SH3RF2: variants seen among roughly 807,000 people sequenced by gnomAD.
SH3RF2 encodes E3 ubiquitin-protein ligase SH3RF2.
Under a neutral mutation model 59.0 loss-of-function variants are expected in SH3RF2, and 43 were observed. The ratio of observed to expected loss-of-function variants is 0.73; its 90% CI spans 0.57 to 0.94. The LOEUF (loss-of-function observed/expected upper bound fraction) is 0.94. Ranked by LOEUF, SH3RF2 falls within the 40% of genes least tolerant of loss-of-function variation. The pLI, the probability that SH3RF2 is intolerant of heterozygous loss-of-function variation, is 0.00. For synonymous variants in SH3RF2, 391 were observed against 391.5 expected (o/e 1.00, Z 0.01); for missense variants, 930 against 940.1 (o/e 0.99, Z 0.14).
At chr5:146,077,956 G>A (rs575096696) in intron 9 of SH3RF2, among the ~76,000 whole-genome samples, 1 of 152,010 alleles carries the variant, frequency 6.6e-6, no homozygotes, top group Non-Finnish European at 1.5e-5. Context: ...TGGCAGTAAC[G>A]GATGATAACC....
chr5:146,024,293 A>C (rs2149999633), intron 5 of SH3RF2, among the ~76,000 whole-genome samples: 1 of 152,258 alleles, frequency 6.6e-6, no homozygotes, highest in East Asian at 1.9e-4. Flanking sequence ...TGTGAATGTT[A>C]TCCTATTGTG....
At chr5:145,995,827 C>T (rs1760125751) in intron 2 of SH3RF2, among the ~76,000 whole-genome samples, 1 of 152,062 alleles carries the variant, frequency 6.6e-6, no homozygotes, top group South Asian at 2.1e-4. Context: ...TTATTCTTAA[C>T]CTCTTCTGTT....
chr5:145,965,012 G>A (rs562839153), intron 2 of SH3RF2, among the ~76,000 whole-genome samples: 5 of 152,184 alleles, frequency 3.3e-5, no homozygotes, highest in African/African-American at 1.2e-4. Flanking sequence ...GCGCAACACG[G>A]TGAAACCCCG....
intron 2 of SH3RF2, among the ~76,000 whole-genome samples, chr5:145,985,310 C>T (rs184168026): frequency 6.6e-6 from 1 of 152,188 alleles, no homozygotes; most frequent in African/African-American, 2.4e-5. Flanking sequence ...CGCACACACA[C>T]AAACTTGTAA....
rs1191537936 is a variant in SH3RF2 at position 146,062,589 on chromosome 5, G to A, written c.2078G>A (p.Ser693Asn). 6.2e-7 allele frequency: 1 copy of A among 1,614,176 alleles called. No homozygotes were observed. The highest frequency in any genetic ancestry group is 1.3e-5 in the African/African-American group (1 of 75,046). ...ATGACCGTCCTATTTGCCCACCGAAGTGGCTGCCACTCCGGACAGCAGACA... is the reference window on the plus strand; with the variant it reads ...ATGACCGTCCTATTTGCCCACCGAAATGGCTGCCACTCCGGACAGCAGACA... ...PEMTVLFAHR[S>N]GCHSGQQTDL... Residue 693 changes from serine (S) to asparagine (N), a missense_variant, in exon 10 of 10, where the codon AGT (serine) becomes AAT (asparagine). Transcript: ENST00000359120.
intron 4 of SH3RF2, among the ~76,000 whole-genome samples, chr5:146,013,214 G>C (rs904866803): frequency 3.9e-5 from 6 of 152,176 alleles, no homozygotes; most frequent in African/African-American, 1.4e-4. Context: ...GTACAGGAGA[G>C]AATCATGTGT....
At chr5:146,076,624 C>T (rs371982930) in intron 9 of SH3RF2, among the ~76,000 whole-genome samples, 1 of 152,196 alleles carries the variant, frequency 6.6e-6, no homozygotes, top group East Asian at 1.9e-4. Flanking sequence ...CCACCTGGAG[C>T]CTCTGACAGC....
chr5:146,064,862 A>G (rs1366384325), downstream of SH3RF2, among the ~76,000 whole-genome samples: 1 of 29,808 alleles, frequency 3.4e-5, no homozygotes, highest in African/African-American at 1.0e-4. Context: ...GAAAGAAAGA[A>G]AGAGAAAGAA....
Position 146,062,675 on chromosome 5 carries a change from A to T in SH3RF2, c.2164A>T (p.Thr722Ser), listed in dbSNP as rs931033184. ...ATTLVSTASGTQTVFPSK is the reference protein window; with the variant it reads ...ATTLVSTASGSQTVFPSK ...AACCCTGGTGTCCACTGCCTCAGGCACGCAGACCGTGTTTCCCAGCAAATG... is the reference window on the plus strand; with the variant it reads ...AACCCTGGTGTCCACTGCCTCAGGCTCGCAGACCGTGTTTCCCAGCAAATG... The change falls in exon 10 of 10, where the codon ACG becomes TCG. Residue 722 changes from threonine (T) to serine (S), a missense_variant. By Grantham distance (58) the Thr-to-Ser change is moderately conservative. Coordinates refer to ENST00000359120, the MANE Select transcript of SH3RF2 (RefSeq NM_152550.4). The T allele has an allele frequency of 3.1e-6, 5 of 1,613,640 alleles. No individual in the cohort carries two copies. The highest frequency in any genetic ancestry group is 4.2e-6 in the Non-Finnish European group (5 of 1,179,656).
chr5:146,068,060 C>T (rs1429917523), downstream of SH3RF2, among the ~76,000 whole-genome samples: 1 of 152,226 alleles, frequency 6.6e-6, no homozygotes, highest in Admixed American at 6.5e-5. Context: ...TGACAATCAC[C>T]TTCACCTGGT....
chr5:146,055,853 T>A, intron 7 of SH3RF2, 128 bp from the exon 8 acceptor site: 1 of 1,050,280 alleles, frequency 9.5e-7, no homozygotes. Context: ...TGTGTATGGG[T>A]GGGAAGAAGG....
intron 5 of SH3RF2, among the ~76,000 whole-genome samples, chr5:146,032,882 C>G (rs1448788052): frequency 6.6e-6 from 1 of 152,180 alleles, no homozygotes; most frequent in Non-Finnish European, 1.5e-5. Flanking sequence ...AGAATCCCAG[C>G]CCTCACCGAC....
At position 145,951,061 on chromosome 5, in the gene SH3RF2, G is replaced by A. The variant is rs969390527; in HGVS notation, c.378+12755G>A. Reference sequence around the variant, plus strand: ...ATTTTATAGAGTATGCAGAAGATACGGAAACTTTGCATTTATGTTTTTAAG... The same window carrying A: ...ATTTTATAGAGTATGCAGAAGATACAGAAACTTTGCATTTATGTTTTTAAG... On this transcript the variant is annotated intron_variant, in intron 2 of 9. Transcript: ENST00000359120. 3.9e-5 allele frequency among the ~76,000 whole-genome samples: 6 copies of A among 152,048 alleles called. No homozygotes were observed. In the East Asian group the frequency reaches 5.8e-4, roughly 15 times the overall value.
At chr5:146,041,414 A>G (rs1385461846) in intron 5 of SH3RF2, among the ~76,000 whole-genome samples, 1 of 152,214 alleles carries the variant, frequency 6.6e-6, no homozygotes, top group Admixed American at 6.5e-5. Context: ...GCTCCACATG[A>G]GAACGGAGCC....
chr5:145,978,832 G>A (rs571441351), intron 2 of SH3RF2, among the ~76,000 whole-genome samples: 1 of 152,298 alleles, frequency 6.6e-6, no homozygotes, highest in East Asian at 1.9e-4. Context: ...TTTCTGCCAG[G>A]TTTTAAAGAT....
intron 5 of SH3RF2, among the ~76,000 whole-genome samples, chr5:146,022,513 A>G (rs574578435): frequency 7.2e-5 from 11 of 152,344 alleles, no homozygotes; most frequent in African/African-American, 2.6e-4. Context: ...TCGTCCAGAA[A>G]AATGTCAGCA....
In SH3RF2 at chr5:146,047,779, C is replaced by T; in HGVS notation, c.1067C>T (p.Thr356Ile). The change falls in exon 6 of 10, where the codon ACT becomes ATT. Residue 356 changes from threonine to isoleucine, a missense_variant. Transcript: ENST00000359120. ...VPSSCVGQVS[T>I]YHPAPVSPGH... ...TCTTTTCTGTCTGTGCAGGTCAGCA[C>T]TTATCACCCCGCACCTGTCTCTCCA... 6.2e-7 allele frequency: 1 copy of T among 1,614,124 alleles called. No homozygotes were observed. The highest frequency in any genetic ancestry group is 1.3e-5 in the African/African-American group (1 of 75,056).
At chr5:145,967,196 C>G (rs539557965) in intron 2 of SH3RF2, among the ~76,000 whole-genome samples, 1 of 152,206 alleles carries the variant, frequency 6.6e-6, no homozygotes, top group African/African-American at 2.4e-5. Flanking sequence ...ACCGTTTGGG[C>G]AACTGCTTCA....
At chr5:146,036,189 ACT>A in intron 5 of SH3RF2, among the ~76,000 whole-genome samples, 1 of 152,156 alleles carries the variant, frequency 6.6e-6, no homozygotes, top group East Asian at 1.9e-4. Context: ...ATCCCATCAC[ACT>A]CTGCTTTGAT....
Sources: gnomAD v4.1 joint callset for allele counts (sites outside exome capture counted in the v4.1 genomes callset) on GRCh38, gnomAD v4.1.1 for gene constraint, MANE v1.5 for transcripts, NCBI Gene and HGNC (gene_info 2026-07-23, HGNC 2026-07-21) for gene names.